Variants in PCDHA6 observed in about 807,000 individuals in gnomAD.
PCDHA6 encodes protocadherin alpha 6.
In PCDHA6, 55 loss-of-function variants were observed where a neutral mutation model predicts 60.3. The observed-to-expected ratio is 0.91, with a 90% confidence interval of 0.73 to 1.14. The LOEUF (loss-of-function observed/expected upper bound fraction) is 1.14, where lower values mean the gene tolerates loss of function less well. Among genes scored for constraint, PCDHA6 ranks in the 50% most tolerant of loss-of-function variants. The probability of loss-of-function intolerance (pLI) is 0.00; values close to 1 mark genes in which losing one functional copy is unlikely to be tolerated. For missense variants in PCDHA6, 1,327 were observed against 1,256.5 expected, an observed-to-expected ratio of 1.06 and a Z score of -0.85; for synonymous variants, 652 against 557.9, an observed-to-expected ratio of 1.17 and a Z score of -2.38.
Position 140,828,357 on chromosome 5 carries a change from G to A in PCDHA6, c.266G>A (p.Arg89Gln). The A allele has an allele frequency of 6.2e-7, 1 of 1,614,244 alleles. No individual in the cohort carries two copies. The highest frequency in any genetic ancestry group is 1.1e-5 in the South Asian group (1 of 91,084). The change falls in exon 1 of 4, where the codon CGG (arginine) becomes CAG (glutamine). Residue 89 changes from arginine (R) to glutamine (Q), a missense_variant. By Grantham distance (43) the Arg-to-Gln change is conservative. Coordinates refer to ENST00000529310, the MANE Select transcript of PCDHA6 (RefSeq NM_018909.4). ...AATGGCATTTTGTTTGTGAATTCTC[G>A]GATCGACCGCGAGGAGCTGTGCGGG... is the stretch of plus-strand genomic sequence containing the variant. The part of the protein sequence containing the change: ...LQNGILFVNS[R>Q]IDREELCGRS...
chr5:140,910,845 G>T (rs1448971238), intron 1 of PCDHA6, among the ~76,000 whole-genome samples: 1 of 152,090 alleles, frequency 6.6e-6, no homozygotes, highest in Admixed American at 6.5e-5. Flanking sequence ...CAATGCCTTG[G>T]ATCTATGTTC....
At chr5:140,889,339 G>A (rs1554183871) in intron 1 of PCDHA6, among the ~76,000 whole-genome samples, 1 of 151,948 alleles carries the variant, frequency 6.6e-6, no homozygotes, top group Admixed American at 6.6e-5. Flanking sequence ...TTTGATTGGT[G>A]GGAATATTTC....
At position 140,830,229 on chromosome 5, in the gene PCDHA6, T is replaced by A. The variant is rs2150183105; in HGVS notation, c.2138T>A (p.Leu713His). Residue 713 changes from leucine to histidine, a missense_variant, in exon 1 of 4, where the codon CTC (leucine) becomes CAC (histidine). Coordinates refer to ENST00000529310, the MANE Select transcript of PCDHA6 (RefSeq NM_018909.4). ...TGCGCGGTATCCAGCCTGCTGGTCCTCACGCTACTGCTGTACACAGCGCTG... is the reference window on the plus strand; with the variant it reads ...TGCGCGGTATCCAGCCTGCTGGTCCACACGCTACTGCTGTACACAGCGCTG... ...AICAVSSLLV[L>H]TLLLYTALRC... The A allele has an allele frequency of 2.0e-5, 32 of 1,613,786 alleles. No homozygotes were observed. The highest frequency in any genetic ancestry group is 2.7e-5 in the African/African-American group (2 of 74,938).
intron 1 of PCDHA6, among the ~76,000 whole-genome samples, chr5:140,910,654 C>T (rs961570287): frequency 1.3e-5 from 2 of 152,218 alleles, no homozygotes; most frequent in African/African-American, 2.4e-5. Flanking sequence ...TTGATCCCTT[C>T]CTCTACATTA....
At chr5:140,851,804 A>G (rs2042163205) in intron 1 of PCDHA6, 6 of 945,718 alleles carry the variant, frequency 6.3e-6, no homozygotes, top group Non-Finnish European at 7.7e-6. Context: ...TCTGTCAGTA[A>G]TCCATAAGAC....
chr5:140,955,976 G>A (rs2095244273), intron 1 of PCDHA6, among the ~76,000 whole-genome samples: 1 of 152,180 alleles, frequency 6.6e-6, no homozygotes, highest in South Asian at 2.1e-4. Flanking sequence ...AGGAATGCTA[G>A]CAATTTTTGC....
At chr5:140,983,931 G>A (rs1398681067) in intron 3 of PCDHA6, among the ~76,000 whole-genome samples, 1 of 152,190 alleles carries the variant, frequency 6.6e-6, no homozygotes, top group Non-Finnish European at 1.5e-5. Context: ...GCTATTTATG[G>A]ATGTTGCACA....
intron 1 of PCDHA6, among the ~76,000 whole-genome samples, chr5:140,901,207 T>G (rs894216497): frequency 6.6e-6 from 1 of 152,206 alleles, no homozygotes; most frequent in Non-Finnish European, 1.5e-5. Flanking sequence ...AGAAGGTTTT[T>G]AAGTTGATGT....
At chr5:140,867,584 T>G (rs1386448666) in intron 1 of PCDHA6, 4 of 152,130 alleles carry the variant, frequency 2.6e-5, no homozygotes, top group Non-Finnish European at 5.9e-5. Context: ...CTTGCAGTAT[T>G]TTTAGATTGG....
Position 140,843,293 on chromosome 5 carries a change from G to C in PCDHA6, c.2394+12808G>C. ...CCTGGTGAAGGATCATGGTGAACCT[G>C]CGCTGACCGCCACGGCCACGGTTCT... On this transcript the variant is annotated intron_variant, in intron 1 of 3. Transcript: ENST00000529310. 17 of 1,595,972 alleles carry C rather than the reference G, an allele frequency of 1.1e-5. 4 individuals are homozygous for C. The highest frequency in any genetic ancestry group is 1.5e-5 in the Non-Finnish European group (17 of 1,165,570).
At chr5:140,861,581 T>C (rs1243387936) in intron 1 of PCDHA6, 6 of 358,060 alleles carry the variant, frequency 1.7e-5, no homozygotes, top group East Asian at 7.9e-5. Flanking sequence ...AGGTTTTCCA[T>C]GTGGAGGTGA....
intron 1 of PCDHA6, chr5:140,835,770 T>G: frequency 6.2e-7 from 1 of 1,613,258 alleles, no homozygotes; most frequent in Non-Finnish European, 8.5e-7. Flanking sequence ...GTATACGGTG[T>G]TCGTGAAGGA....
At chr5:140,950,073 G>T (rs2094447306) in intron 1 of PCDHA6, among the ~76,000 whole-genome samples, 1 of 151,672 alleles carries the variant, frequency 6.6e-6, no homozygotes, top group Non-Finnish European at 1.5e-5. Flanking sequence ...CTGTGCCATT[G>T]CTTATGCTAT....
At chr5:140,843,010 G>A (rs1778474215) in intron 1 of PCDHA6, 2 of 1,595,044 alleles carry the variant, frequency 1.3e-6, no homozygotes, top group Non-Finnish European at 1.7e-6. Context: ...ACAACGCGCC[G>A]GCACTGCTGG....
intron 1 of PCDHA6, chr5:140,967,449 C>T (rs2096141880): frequency 1.2e-6 from 2 of 1,613,586 alleles, no homozygotes; most frequent in Non-Finnish European, 1.7e-6. Context: ...CTGGTTCTCA[C>T]AGCCGTGGAT....
At chr5:140,841,935 C>T in intron 1 of PCDHA6, 1 of 1,613,898 alleles carries the variant, frequency 6.2e-7, no homozygotes, top group South Asian at 1.1e-5. Flanking sequence ...AGAGAGGACG[C>T]TCCTGCGCAC....
At chr5:140,911,818 A>T (rs1472874528) in intron 1 of PCDHA6, among the ~76,000 whole-genome samples, 2 of 152,210 alleles carry the variant, frequency 1.3e-5, no homozygotes, top group African/African-American at 2.4e-5. Flanking sequence ...CCTTCTCCAG[A>T]AACCCCAAAA....
intron 1 of PCDHA6, among the ~76,000 whole-genome samples, chr5:140,916,184 A>C (rs1554197322): frequency 6.6e-6 from 1 of 152,092 alleles, no homozygotes. Context: ...CTCTTCAAGG[A>C]AGTGGGCACC....
At chr5:140,928,729 G>A (rs2085477021) in intron 1 of PCDHA6, 1 of 1,613,996 alleles carries the variant, frequency 6.2e-7, no homozygotes, top group Non-Finnish European at 8.5e-7. Context: ...TAGAATTTCA[G>A]CCAATATAGG....
Sources: gnomAD v4.1 joint callset for allele counts (sites outside exome capture counted in the v4.1 genomes callset) on GRCh38, gnomAD v4.1.1 for gene constraint, MANE v1.5 for transcripts, NCBI Gene and HGNC (gene_info 2026-07-23, HGNC 2026-07-21) for gene names.